DCDC1: variants seen among roughly 807,000 people sequenced by gnomAD.
DCDC1 encodes doublecortin domain-containing protein 1.
A neutral mutation model predicts 178.3 loss-of-function variants in DCDC1; 200 were observed. That is an observed-to-expected ratio of 1.12 (90% CI 1.00 to 1.26). The LOEUF (loss-of-function observed/expected upper bound fraction) is 1.26, where lower values mean the gene tolerates loss of function less well. DCDC1 is among the 50% of genes most tolerant of loss of function. DCDC1 has a pLI of 0.00. For missense variants in DCDC1, 1,983 were observed against 1,749.2 expected (o/e 1.13, Z -2.38); for synonymous variants, 690 against 604.8 (o/e 1.14, Z -2.07).
intron 21 of DCDC1, among the ~76,000 whole-genome samples, chr11:30,948,738 A>C (rs991304506): frequency 2.0e-5 from 3 of 152,218 alleles, no homozygotes; most frequent in African/African-American, 7.2e-5. Context: ...AAACCTGACA[A>C]AAGTAAGCAA....
chr11:31,159,138 G>T (rs1326335242), intron 9 of DCDC1, among the ~76,000 whole-genome samples: 2 of 152,036 alleles, frequency 1.3e-5, no homozygotes, highest in Non-Finnish European at 2.9e-5. Flanking sequence ...AAACTACAAA[G>T]CACTGTGCAA....
At chr11:31,299,325 G>A (rs540234738) in intron 6 of DCDC1, among the ~76,000 whole-genome samples, 1 of 152,240 alleles carries the variant, frequency 6.6e-6, no homozygotes, top group South Asian at 2.1e-4. Context: ...ATTTACATTT[G>A]ATTAAAATTA....
At chr11:31,167,616 T>G (rs1371943477) in intron 9 of DCDC1, among the ~76,000 whole-genome samples, 1 of 152,154 alleles carries the variant, frequency 6.6e-6, no homozygotes, top group African/African-American at 2.4e-5. Context: ...TATAATCTAA[T>G]CCTTCTATTT....
intron 36 of DCDC1, among the ~76,000 whole-genome samples, chr11:30,891,938 C>T (rs1201983029): frequency 2.0e-5 from 3 of 152,100 alleles, no homozygotes; most frequent in Non-Finnish European, 2.9e-5. Context: ...CTCTATGTGC[C>T]CTCACCAGCC....
At chr11:31,264,983 A>AC (rs910700735) in intron 8 of DCDC1, among the ~76,000 whole-genome samples, 1 of 151,984 alleles carries the variant, frequency 6.6e-6, no homozygotes, top group African/African-American at 2.4e-5. Context: ...TTTTTTTCAG[A>AC]CCAATTGATA....
chr11:31,124,930 G>T (rs1304128744), intron 11 of DCDC1, among the ~76,000 whole-genome samples: 1 of 151,998 alleles, frequency 6.6e-6, no homozygotes, highest in African/African-American at 2.4e-5. Flanking sequence ...TTGACAAATG[G>T]GATCTAATTA....
intron 9 of DCDC1, among the ~76,000 whole-genome samples, chr11:31,139,173 G>GTA (rs968790766): frequency 3.3e-5 from 5 of 152,014 alleles, no homozygotes; most frequent in African/African-American, 7.2e-5. Flanking sequence ...GCAGAGTCAT[G>GTA]TATATATATG....
At chr11:30,912,327 G>A (rs1042857457) in intron 27 of DCDC1, among the ~76,000 whole-genome samples, 3 of 151,208 alleles carry the variant, frequency 2.0e-5, no homozygotes, top group African/African-American at 4.9e-5. Flanking sequence ...TCTGTCACCC[G>A]GGTTGGAGTG....
chr11:31,251,398 ACTAAGTAAAGCAGATTGGCCTCT>A (rs1944020087), intron 8 of DCDC1, among the ~76,000 whole-genome samples: 1 of 152,140 alleles, frequency 6.6e-6, no homozygotes. Context: ...GAATCAGTAG[ACTAAGTAAAGCAGATTGGCCTCT>A]CTAATGTTGG....
intron 36 of DCDC1, among the ~76,000 whole-genome samples, chr11:30,891,839 C>A (rs1012844768): frequency 2.0e-5 from 3 of 152,146 alleles, no homozygotes; most frequent in African/African-American, 7.2e-5. Context: ...CATTCTTAAG[C>A]AAACTCCCTG....
intron 20 of DCDC1, among the ~76,000 whole-genome samples, chr11:31,057,085 A>G (rs1169832977): frequency 6.6e-6 from 1 of 152,064 alleles, no homozygotes; most frequent in Admixed American, 6.6e-5. Flanking sequence ...TACAAAAATT[A>G]GCCAGGCATG....
At position 30,889,511 on chromosome 11, in the gene DCDC1, C is replaced by G. The variant is rs115602552; in HGVS notation, c.5082+3307G>C. ...CTCTGAGCTTCTTTGGAGTCACTGTCATTAGCCAGACACCCCCAGTGAAAT... is the reference window on the plus strand; with the variant it reads ...CTCTGAGCTTCTTTGGAGTCACTGTGATTAGCCAGACACCCCCAGTGAAAT... On this transcript the variant is annotated intron_variant, in intron 36 of 38. Transcript: ENST00000684477. 3.2e-3 allele frequency among the ~76,000 whole-genome samples: 490 copies of G among 152,298 alleles called. 2 individuals are homozygous for G. Among genetic ancestry groups the G allele is most frequent in the African/African-American group, 0.011 (450 of 41,550 alleles).
chr11:31,368,028 G>C (rs1952053277), intron 1 of DCDC1, among the ~76,000 whole-genome samples: 1 of 152,136 alleles, frequency 6.6e-6, no homozygotes, highest in Admixed American at 6.5e-5. Context: ...GTCTGATTCT[G>C]AGTCAAGCAA....
intron 1 of DCDC1, among the ~76,000 whole-genome samples, chr11:31,344,578 C>A (rs1402406911): frequency 1.3e-5 from 2 of 152,142 alleles, no homozygotes; most frequent in Non-Finnish European, 2.9e-5. Flanking sequence ...AAAATAGTAA[C>A]CACTTCATAA....
chr11:31,008,627 C>A (rs920911747), intron 20 of DCDC1, among the ~76,000 whole-genome samples: 3 of 152,064 alleles, frequency 2.0e-5, no homozygotes, highest in African/African-American at 7.2e-5. Flanking sequence ...TAGCACTTAT[C>A]TCTACACGCA....
chr11:31,303,324 TAGAA>T (rs1948237148), intron 6 of DCDC1, among the ~76,000 whole-genome samples: 1 of 152,208 alleles, frequency 6.6e-6, no homozygotes, highest in Admixed American at 6.5e-5. Flanking sequence ...TATGCTCATT[TAGAA>T]AGATACATCA....
chr11:31,126,654 G>A (rs1049861501), intron 11 of DCDC1, among the ~76,000 whole-genome samples: 3 of 152,094 alleles, frequency 2.0e-5, no homozygotes, highest in Non-Finnish European at 2.9e-5. Flanking sequence ...AGGAAATGAC[G>A]AGTTGTAGTA....
chr11:31,141,913 G>C (rs1963872262), intron 9 of DCDC1, among the ~76,000 whole-genome samples: 1 of 152,224 alleles, frequency 6.6e-6, no homozygotes, highest in Non-Finnish European at 1.5e-5. Flanking sequence ...GTGGGAGTCA[G>C]AGTTAGTTAC....
rs564188612 is a variant in DCDC1 at position 30,962,603 on chromosome 11, A to G, written c.2592-10035T>C. ...TTATTTTTCAAAGATTAATTATTAA[A>G]TATGGTGGAAACATATGGTACATTA... On this transcript the variant is annotated intron_variant, in intron 20 of 38. Coordinates refer to ENST00000684477, the MANE Select transcript of DCDC1 (RefSeq NM_001387274.1). Among the ~76,000 whole-genome samples the G allele has an allele frequency of 2.0e-5, 3 of 152,264 alleles. No homozygotes were observed. The South Asian group carries it at 6.2e-4, about 32-fold the overall frequency.
Sources: allele counts gnomAD v4.1 joint callset (sites outside exome capture counted in the v4.1 genomes callset), GRCh38; gene constraint gnomAD v4.1.1; transcripts MANE v1.5; gene names NCBI Gene and HGNC (gene_info 2026-07-23, HGNC 2026-07-21).